LRRC63: variants seen among roughly 807,000 people sequenced by gnomAD.
The protein encoded by LRRC63 is leucine-rich repeat-containing protein 63.
LRRC63 carries 40 observed loss-of-function variants against 49.5 expected under a neutral mutation model. The observed-to-expected ratio is 0.81, with a 90% CI of 0.63 to 1.05. LRRC63 has a LOEUF of 1.05. Ranked by LOEUF, LRRC63 falls within the 50% of genes least tolerant of loss-of-function variation. The pLI is 0.00. For missense variants in LRRC63, 636 were observed against 663.1 expected (o/e 0.96, Z 0.45); for synonymous variants, 191 against 221.1 (o/e 0.86, Z 1.21).
intron 4 of LRRC63, among the ~76,000 whole-genome samples, chr13:46,232,411 C>T (rs964580441): frequency 2.6e-5 from 4 of 152,182 alleles, no homozygotes; most frequent in African/African-American, 9.6e-5. Flanking sequence ...AGAAATTTAT[C>T]ATAGAGTTTT....
intron 2 of LRRC63, among the ~76,000 whole-genome samples, chr13:46,225,237 T>G (rs1196736159): frequency 6.6e-6 from 1 of 152,170 alleles, no homozygotes; most frequent in East Asian, 1.9e-4. Flanking sequence ...GTTCTTCTGC[T>G]CTCTGCAGCA....
At chr13:46,227,878 T>A (rs1328326481) in exon 3 of LRRC63, 1 of 1,550,578 alleles carries the variant, frequency 6.4e-7, no homozygotes, top group Admixed American at 2.0e-5. Context: ...AACATTTTAA[T>A]TCTTTCTTCC....
At chr13:46,251,001 G>A (rs894369382) in intron 7 of LRRC63, among the ~76,000 whole-genome samples, 1 of 151,884 alleles carries the variant, frequency 6.6e-6, no homozygotes, top group Non-Finnish European at 1.5e-5. Context: ...ACATAAAAGA[G>A]ATGGGTTTCT....
At chr13:46,218,045 T>G (rs1259113630) in intron 2 of LRRC63, among the ~76,000 whole-genome samples, 1 of 152,208 alleles carries the variant, frequency 6.6e-6, no homozygotes, top group Non-Finnish European at 1.5e-5. Flanking sequence ...TTCGAATAAG[T>G]GCGACGTGGT....
At chr13:46,276,237 T>TTTA (rs1486362311) in intron 9 of LRRC63, among the ~76,000 whole-genome samples, 1 of 151,060 alleles carries the variant, frequency 6.6e-6, no homozygotes, top group Non-Finnish European at 1.5e-5. Flanking sequence ...AAATAACATG[T>TTTA]TTATTATAAA....
At chr13:46,272,196 C>A (rs756348025) in intron 9 of LRRC63, among the ~76,000 whole-genome samples, 15 of 152,096 alleles carry the variant, frequency 9.9e-5, no homozygotes, top group Non-Finnish European at 1.8e-4. Context: ...TGCTTATTTA[C>A]GGGATTTTTC....
At chr13:46,274,237 G>C (rs2047800417) in intron 9 of LRRC63, among the ~76,000 whole-genome samples, 1 of 152,132 alleles carries the variant, frequency 6.6e-6, no homozygotes, top group African/African-American at 2.4e-5. Flanking sequence ...TGTGAGCCGA[G>C]TGAGAGAGGG....
At chr13:46,217,700 G>A (rs1385726329) in intron 2 of LRRC63, among the ~76,000 whole-genome samples, 2 of 152,106 alleles carry the variant, frequency 1.3e-5, no homozygotes, top group South Asian at 2.1e-4. Flanking sequence ...TGTGATGTTA[G>A]GGTGTCAATT....
At chr13:46,275,254 C>T (rs913959512) in intron 9 of LRRC63, among the ~76,000 whole-genome samples, 8 of 152,128 alleles carry the variant, frequency 5.3e-5, no homozygotes, top group Admixed American at 2.0e-4. Flanking sequence ...CATATCTTGG[C>T]GATTGTGAAT....
intron 7 of LRRC63, among the ~76,000 whole-genome samples, chr13:46,260,713 G>C (rs2047601114): frequency 6.6e-6 from 1 of 152,092 alleles, no homozygotes; most frequent in African/African-American, 2.4e-5. Context: ...AGTCAAGCTT[G>C]GGGAAATTTT....
chr13:46,215,891 T>A (rs751511119), intron 2 of LRRC63, among the ~76,000 whole-genome samples: 3 of 152,160 alleles, frequency 2.0e-5, no homozygotes, highest in Non-Finnish European at 2.9e-5. Context: ...CCCCATTGCT[T>A]GTTTTTGTCA....
chr13:46,253,673 C>A (rs1381986537), intron 7 of LRRC63, among the ~76,000 whole-genome samples: 1 of 152,072 alleles, frequency 6.6e-6, no homozygotes, highest in African/African-American at 2.4e-5. Flanking sequence ...GAATAAAACC[C>A]AGGTGAGGTT....
intron 7 of LRRC63, among the ~76,000 whole-genome samples, chr13:46,255,266 A>G (rs1462636986): frequency 6.6e-6 from 1 of 152,120 alleles, no homozygotes; most frequent in East Asian, 1.9e-4. Flanking sequence ...GCTCAGGTAT[A>G]GCAGAGAGGG....
rs371874942 is a variant in LRRC63 at position 46,272,977 on chromosome 13, A to T, written c.1551-3613A>T. Among the ~76,000 whole-genome samples the T allele has an allele frequency of 5.9e-5, 9 of 152,334 alleles. No individual in the cohort carries two copies. In the East Asian group the frequency reaches 1.3e-3, roughly 23 times the overall value. On this transcript the variant is annotated intron_variant, in intron 9 of 9. Transcript: ENST00000595396. ...TATTCTAGGGAGAGGAGTTCCAGTG[A>T]TTGAAGAGAGGAATAAGCAGGAATC...
At chr13:46,246,484 C>G in intron 5 of LRRC63, 43 bp from the exon 6 acceptor site, 1 of 964,814 alleles carries the variant, frequency 1.0e-6, no homozygotes. Context: ...TATTTTGTGC[C>G]TTGTTAGTGA....
chr13:46,212,305 A>G (rs936383333), intron 1 of LRRC63, 46 bp downstream of exon 1: 2 of 152,244 alleles, frequency 1.3e-5, no homozygotes, highest in African/African-American at 2.4e-5. Context: ...CTTCTAGGCT[A>G]TCAATGGAAT....
intron 2 of LRRC63, among the ~76,000 whole-genome samples, chr13:46,221,797 G>C (rs148755677): frequency 0.015 from 2,234 of 152,288 alleles, 69 homozygotes; most frequent in African/African-American, 0.05. Flanking sequence ...ACATTGGTGT[G>C]AATGACTGTG....
At chr13:46,257,917 A>AT (rs143041263) in intron 7 of LRRC63, among the ~76,000 whole-genome samples, 1 of 151,408 alleles carries the variant, frequency 6.6e-6, no homozygotes, top group Non-Finnish European at 1.5e-5. Flanking sequence ...ATATGCATAT[A>AT]TTTTTTTTCC....
chr13:46,246,732 A>C, intron 6 of LRRC63, 107 bp downstream of exon 6: 1 of 481,866 alleles, frequency 2.1e-6, no homozygotes, highest in Non-Finnish European at 3.3e-6. Context: ...AGTACTGTAA[A>C]TGTATTTTGG....
Sources: allele counts gnomAD v4.1 joint callset (sites outside exome capture counted in the v4.1 genomes callset), GRCh38; gene constraint gnomAD v4.1.1; transcripts MANE v1.5; gene names NCBI Gene and HGNC (gene_info 2026-07-23, HGNC 2026-07-21).